PRKD3: variants seen among roughly 807,000 people sequenced by gnomAD.
PRKD3 encodes protein kinase D3, also known as serine/threonine-protein kinase D3.
PRKD3 carries 47 observed loss-of-function variants against 99.2 expected under a neutral mutation model. The ratio of observed to expected loss-of-function variants is 0.47; its 90% CI spans 0.38 to 0.60. PRKD3 has a LOEUF of 0.60. PRKD3 is among the 20% of genes least tolerant of loss of function. PRKD3 has a pLI of 0.00. For missense variants in PRKD3, 1,019 were observed against 1,088.4 expected (o/e 0.94, Z 0.90); for synonymous variants, 392 against 355.4 (o/e 1.10, Z -1.16).
At chr2:37,275,211 A>G (rs1055676944) in intron 10 of PRKD3, among the ~76,000 whole-genome samples, 21 of 152,130 alleles carry the variant, frequency 1.4e-4, no homozygotes, top group African/African-American at 4.8e-4. Flanking sequence ...ACTTACTAAA[A>G]ACAAACAAAC....
At position 37,279,874 on chromosome 2, in the gene PRKD3, G is replaced by A. The variant is rs1669763289; in HGVS notation, c.1044C>T (p.Asp348=). Residue 348 remains aspartate (D), a synonymous_variant, in exon 8 of 19, where the codon GAC becomes GAT. Transcript: ENST00000234179. ...AACCCCGACTACTATCACTATTTATGTCATTATTGTCAATATCCATTGGTA... is the reference window on the plus strand; with the variant it reads ...AACCCCGACTACTATCACTATTTATATCATTATTGTCAATATCCATTGGTA... The part of the protein sequence containing the change: ...TDIPMDIDNN[D]INSDSSRGLD... 1 of 1,612,750 alleles carries A rather than the reference G, an allele frequency of 6.2e-7. No individual in the cohort carries two copies. Among genetic ancestry groups the A allele is most frequent in the South Asian group, 1.1e-5 (1 of 91,012 alleles).
chr2:37,265,083 G>C (rs1014080553), intron 14 of PRKD3, among the ~76,000 whole-genome samples: 6 of 152,166 alleles, frequency 3.9e-5, no homozygotes, highest in African/African-American at 1.4e-4. Context: ...CGCCTCTAGG[G>C]ATGCAGGTAA....
chr2:37,267,578 C>CAACTCCCTAATAA, intron 13 of PRKD3, 42 bp from the exon 14 acceptor site: 2 of 1,380,520 alleles, frequency 1.4e-6, no homozygotes, highest in Non-Finnish European at 2.0e-6. Flanking sequence ...AGCAAACTGA[C>CAACTCCCTAATAA]AGCTTTATTA....
chr2:37,264,349 G>A (rs1668678711), intron 14 of PRKD3, among the ~76,000 whole-genome samples: 1 of 152,138 alleles, frequency 6.6e-6, no homozygotes, highest in African/African-American at 2.4e-5. Context: ...CCAGTACTAT[G>A]TGGGTATTCT....
chr2:37,274,711 T>G lies in PRKD3; in HGVS notation c.1375-14A>C. On this transcript the variant is annotated splice_polypyrimidine_tract_variant and intron_variant, in intron 10 of 18. Coordinates refer to ENST00000234179, the MANE Select transcript of PRKD3 (RefSeq NM_005813.6). ...AAGTGGAATTTCCTGAAGTAAAAAA[T>G]TAAGCATTGAAAAATAAGAATAGAT... 6.2e-7 allele frequency: 1 copy of G among 1,605,096 alleles called. No individual in the cohort carries two copies.
intron 13 of PRKD3, chr2:37,268,365 T>G (rs748279712): frequency 6.4e-6 from 3 of 470,654 alleles, no homozygotes; most frequent in Non-Finnish European, 1.3e-5. Context: ...CTCTTAAAAC[T>G]GACAAATCTG....
At chr2:37,267,271 T>C (rs2148517284) in intron 14 of PRKD3, among the ~76,000 whole-genome samples, 159 bp downstream of exon 14, 2 of 151,656 alleles carry the variant, frequency 1.3e-5, no homozygotes, top group East Asian at 3.9e-4. Flanking sequence ...AAATGTGTTC[T>C]AAAACTACTA....
intron 1 of PRKD3, among the ~76,000 whole-genome samples, chr2:37,319,895 T>A (rs188644392): frequency 6.6e-6 from 1 of 152,328 alleles, no homozygotes. Flanking sequence ...TCAGTATCAC[T>A]GCAGAGGGTA....
At chr2:37,292,064 G>A (rs1197734405) in intron 3 of PRKD3, among the ~76,000 whole-genome samples, 2 of 152,110 alleles carry the variant, frequency 1.3e-5, no homozygotes, top group Non-Finnish European at 2.9e-5. Context: ...GGACAAAAAG[G>A]GAAAGAGCAT....
At position 37,251,177 on chromosome 2, in the gene PRKD3, C is replaced by CTATTATTATCTATTT. The variant is rs1667459426; in HGVS notation, c.*1999_*2000insAAATAGATAATAATA. 6.6e-6 allele frequency: 1 copy of CTATTATTATCTATTT among 152,468 alleles called. No individual in the cohort carries two copies. The highest frequency in any genetic ancestry group is 1.5e-5 in the Non-Finnish European group (1 of 68,018). The allele number at this position is 152,468 out of a possible 1,614,324, so 9.4% of individuals were successfully genotyped here. ...GAAACTGGGAAGTCATCCTCTATCA[C>CTATTATTATCTATTT]AGGGAAAATAACATTTCTAAAAAAA... On this transcript the variant is annotated 3_prime_UTR_variant, in exon 19 of 19. Transcript: ENST00000234179.
chr2:37,253,475 A>C (rs567321618), intron 18 of PRKD3, 125 bp from the exon 19 acceptor site: 2 of 723,348 alleles, frequency 2.8e-6, no homozygotes, highest in Non-Finnish European at 4.4e-6. Context: ...GGCGCTACTC[A>C]TAAGTATCTA....
At chr2:37,265,670 A>AAGT (rs2148512902) in intron 14 of PRKD3, among the ~76,000 whole-genome samples, 1 of 152,340 alleles carries the variant, frequency 6.6e-6, no homozygotes, top group East Asian at 1.9e-4. Flanking sequence ...CCAAATATAA[A>AAGT]AGTATAAATA....
intron 2 of PRKD3, among the ~76,000 whole-genome samples, chr2:37,298,363 GCT>G (rs1670764492): frequency 1.3e-5 from 2 of 151,180 alleles, no homozygotes; most frequent in East Asian, 3.9e-4. Context: ...TCTGCAGCTT[GCT>G]CTTTTTTTCA....
intron 5 of PRKD3, among the ~76,000 whole-genome samples, chr2:37,288,746 T>C (rs958872272): frequency 6.6e-6 from 1 of 152,160 alleles, no homozygotes; most frequent in South Asian, 2.1e-4. Flanking sequence ...CTGCTCTGTG[T>C]CTCAACTGTC....
intron 2 of PRKD3, among the ~76,000 whole-genome samples, chr2:37,311,407 G>C (rs1359414330): frequency 1.3e-5 from 2 of 152,268 alleles, no homozygotes; most frequent in East Asian, 3.9e-4. Context: ...CAGGGAATTT[G>C]TGTTTCATCT....
chr2:37,266,871 T>C (rs773771181), intron 14 of PRKD3, among the ~76,000 whole-genome samples: 3 of 152,222 alleles, frequency 2.0e-5, no homozygotes, highest in Non-Finnish European at 2.9e-5. Flanking sequence ...AAATTATTTA[T>C]ATGATATTCA....
chr2:37,277,750 T>C lies in PRKD3; in HGVS notation c.1296+116A>G. 3 of 1,042,594 alleles carry C rather than the reference T, an allele frequency of 2.9e-6. No individual in the cohort carries two copies. The South Asian group carries it at 7.5e-5, about 26-fold the overall frequency. 64.6% of individuals were successfully genotyped at this position (1,042,594 alleles called of 1,614,324 possible). A position where few individuals can be genotyped will look rare whatever the true frequency, so the allele number is the denominator to read the frequency against. ...TTCCAGTGCATCTTTTACAAATTGCTGTGGTGTATATAATGTCTTAATATG... is the reference window on the plus strand; with the variant it reads ...TTCCAGTGCATCTTTTACAAATTGCCGTGGTGTATATAATGTCTTAATATG... On this transcript the variant is annotated intron_variant, in intron 9 of 18. Coordinates refer to ENST00000234179, the MANE Select transcript of PRKD3 (RefSeq NM_005813.6).
In PRKD3 at chr2:37,286,329, C is replaced by G; in HGVS notation, c.758G>C (p.Trp253Ser). ...TTCCATCCAGATTGGGCGACCACTC[C>G]AAGAAGGAATTCTCTTACTTGGTTC... Reference protein sequence around the residue: ...HQEPSKRIPSWSGRPIWMEKM... With the variant: ...HQEPSKRIPSSSGRPIWMEKM... Residue 253 changes from tryptophan (W) to serine (S), a missense_variant, in exon 6 of 19, where the codon TGG becomes TCG. Transcript: ENST00000234179. 3 of 1,614,066 alleles carry G rather than the reference C, an allele frequency of 1.9e-6. No homozygotes were observed. The highest frequency in any genetic ancestry group is 2.5e-6 in the Non-Finnish European group (3 of 1,179,990).
chr2:37,324,522 T>TCGCCGCCGC (rs1321626217), intron 1 of PRKD3, among the ~76,000 whole-genome samples, 159 bp downstream of exon 1: 1 of 126,060 alleles, frequency 7.9e-6, no homozygotes, highest in South Asian at 2.9e-4. Flanking sequence ...CCGAGTCCTG[T>TCGCCGCCGC]CGCCGCCGCC....
Sources: gnomAD v4.1 joint callset for allele counts (sites outside exome capture counted in the v4.1 genomes callset) on GRCh38, gnomAD v4.1.1 for gene constraint, MANE v1.5 for transcripts, NCBI Gene and HGNC (gene_info 2026-07-23, HGNC 2026-07-21) for gene names.